Variants in DIP2A observed in about 807,000 individuals in gnomAD.
DIP2A encodes the protein DIP2 acetate--CoA ligase A.
DIP2A carries 85 observed loss-of-function variants against 177.4 expected under a neutral mutation model. That is an observed-to-expected ratio of 0.48 (90% CI 0.40 to 0.57). DIP2A has a LOEUF of 0.57. Among genes scored for constraint, DIP2A ranks in the 20% least tolerant of loss-of-function variants. The pLI is 0.00. For synonymous variants in DIP2A, 886 were observed against 881.8 expected, an observed-to-expected ratio of 1.00 and a Z score of -0.08; for missense variants, 1,791 against 2,100.2, an observed-to-expected ratio of 0.85 and a Z score of 2.88.
intron 1 of DIP2A, among the ~76,000 whole-genome samples, chr21:46,483,225 GAC>G (rs2056466310): frequency 6.6e-6 from 1 of 151,894 alleles, no homozygotes. Flanking sequence ...AAAGTACACA[GAC>G]ACAAAGCAAC....
Position 46,496,984 on chromosome 21 carries a change from G to T in DIP2A, c.284-4G>T. ...GTATTTTTACTGCTGTCCTTCCTGT[G>T]TAGATGTCCACACTGAAGCCGTGCA... On this transcript the variant is annotated splice_region_variant and splice_polypyrimidine_tract_variant and intron_variant, in intron 3 of 37. Coordinates refer to ENST00000417564, the MANE Select transcript of DIP2A (RefSeq NM_015151.4). 1 of 1,612,090 alleles carries T rather than the reference G, an allele frequency of 6.2e-7. No homozygotes were observed. The highest frequency in any genetic ancestry group is 1.3e-5 in the African/African-American group (1 of 74,900).
At chr21:46,497,256 C>T (rs2057409668) in intron 4 of DIP2A, 149 bp downstream of exon 4, 10 of 1,002,138 alleles carry the variant, frequency 1.0e-5, no homozygotes, top group Non-Finnish European at 1.4e-5. Context: ...TGCATATGCT[C>T]GTATTCCTTA....
At chr21:46,504,970 A>C (rs1951297043) in intron 6 of DIP2A, among the ~76,000 whole-genome samples, 1 of 152,250 alleles carries the variant, frequency 6.6e-6, no homozygotes, top group Non-Finnish European at 1.5e-5. Flanking sequence ...ATGTCAGTGT[A>C]ACTTTCATAA....
At chr21:46,583,317 T>C in the DIP2A span, among the ~76,000 whole-genome samples, 1 of 151,842 alleles carries the variant, frequency 6.6e-6, no homozygotes, top group Non-Finnish European at 1.5e-5. Context: ...AAGCAGAAAA[T>C]CAACTAGGAA....
chr21:46,554,779 T>A (rs922767029), intron 27 of DIP2A, 43 bp from the exon 28 acceptor site: 16 of 1,542,754 alleles, frequency 1.0e-5, no homozygotes, highest in Non-Finnish European at 1.1e-5. Flanking sequence ...TCTGGGCAGC[T>A]TGAGAGGCCC....
intron 1 of DIP2A, among the ~76,000 whole-genome samples, chr21:46,468,058 G>A (rs890648653): frequency 2.6e-5 from 4 of 151,792 alleles, no homozygotes; most frequent in African/African-American, 9.7e-5. Flanking sequence ...GAGGCCAGGA[G>A]TTTGAGACCA....
intron 3 of DIP2A, 27 bp downstream of exon 3, chr21:46,490,746 A>C: frequency 6.5e-7 from 1 of 1,546,336 alleles, no homozygotes; most frequent in Non-Finnish European, 8.7e-7. Flanking sequence ...GGCAGTGGGG[A>C]AGGTGGACGG....
the DIP2A span, among the ~76,000 whole-genome samples, chr21:46,578,384 A>C: frequency 6.6e-6 from 1 of 152,230 alleles, no homozygotes; most frequent in Non-Finnish European, 1.5e-5. Context: ...TTCTGGATAT[A>C]GGATCATGTC....
intron 10 of DIP2A, 125 bp from the exon 11 acceptor site, chr21:46,533,399 A>T: frequency 4.3e-6 from 5 of 1,175,682 alleles, no homozygotes; most frequent in Non-Finnish European, 5.8e-6. Context: ...GGACTGAATT[A>T]TTCTGGAAGT....
chr21:46,539,944 C>T lies in DIP2A; in HGVS notation c.1989C>T (p.Ile663=), dbSNP rs1195863398. The T allele has an allele frequency of 6.2e-7, 1 of 1,614,068 alleles. No individual in the cohort carries two copies. The highest frequency in any genetic ancestry group is 1.3e-5 in the African/African-American group (1 of 75,068). ...CCAGAGGTCTGAGGCCAGAGGTCAT[C>T]TGTCCTTGTGCAAGTTCTCCTGAGG... ...FQSRGLRPEV[I]CPCASSPEAL... The change falls in exon 17 of 38, where the codon ATC becomes ATT. Residue 663 remains isoleucine (I), a synonymous_variant. Transcript: ENST00000417564.
intron 26 of DIP2A, 21 bp from the exon 27 acceptor site, chr21:46,554,554 A>G: frequency 6.2e-7 from 1 of 1,608,928 alleles, no homozygotes; most frequent in Non-Finnish European, 8.5e-7. Flanking sequence ...GCCTCCTCAC[A>G]GCCAGTCCTT....
intron 20 of DIP2A, chr21:46,546,166 C>G: frequency 2.9e-6 from 4 of 1,365,222 alleles, no homozygotes; most frequent in Non-Finnish European, 3.8e-6. Flanking sequence ...GTCCTGCACA[C>G]AGGCCTGAGT....
intron 1 of DIP2A, among the ~76,000 whole-genome samples, chr21:46,478,950 G>A (rs925114116): frequency 6.6e-6 from 1 of 152,128 alleles, no homozygotes; most frequent in Non-Finnish European, 1.5e-5. Flanking sequence ...ACCACAAAGG[G>A]CTTACTTTTG....
At chr21:46,516,914 A>G (rs1306788189) in intron 8 of DIP2A, among the ~76,000 whole-genome samples, 3 of 152,062 alleles carry the variant, frequency 2.0e-5, no homozygotes, top group Non-Finnish European at 4.4e-5. Flanking sequence ...AAAATTTCTC[A>G]TTATTCCATA....
intron 1 of DIP2A, among the ~76,000 whole-genome samples, chr21:46,476,257 T>C (rs1030529273): frequency 6.6e-6 from 1 of 151,168 alleles, no homozygotes; most frequent in Non-Finnish European, 1.5e-5. Flanking sequence ...AAAAAAAAAA[T>C]TATGATGATT....
chr21:46,575,743 G>A, the DIP2A span, among the ~76,000 whole-genome samples: 11 of 152,056 alleles, frequency 7.2e-5, no homozygotes, highest in Admixed American at 2.6e-4. Context: ...GGAAAACATC[G>A]AACAATACAA....
Position 46,554,480 on chromosome 21 carries a change from C to T in DIP2A, c.3155-95C>T, listed in dbSNP as rs1436778349. The stretch of plus-strand genomic sequence containing the variant: ...CCAGGAGTCACCCATGCCCCCCCAG[C>T]ACCACCTCCCCTCCTCTCTCGCAGG... On this transcript the variant is annotated intron_variant, in intron 26 of 37. Transcript: ENST00000417564. 5 of 1,552,634 alleles carry T rather than the reference C, an allele frequency of 3.2e-6. No individual in the cohort carries two copies. In the East Asian group the frequency reaches 9.3e-5, roughly 29 times the overall value.
chr21:46,561,530 T>C (rs948474081), intron 33 of DIP2A: 8 of 651,766 alleles, frequency 1.2e-5, no homozygotes, highest in Non-Finnish European at 2.2e-5. Context: ...TGTGAGCACA[T>C]GGGGTGGGTG....
At chr21:46,552,304 T>C (rs1316347851) in intron 25 of DIP2A, among the ~76,000 whole-genome samples, 1 of 152,234 alleles carries the variant, frequency 6.6e-6, no homozygotes, top group Non-Finnish European at 1.5e-5. Flanking sequence ...AATTTCTACA[T>C]TTGGTTACAG....
Sources: gnomAD v4.1 joint callset for allele counts (sites outside exome capture counted in the v4.1 genomes callset) on GRCh38, gnomAD v4.1.1 for gene constraint, MANE v1.5 for transcripts, NCBI Gene and HGNC (gene_info 2026-07-23, HGNC 2026-07-21) for gene names.